The following SEMA3A variants were observed in gnomAD, a reference collection of about 807,000 sequenced individuals.
The protein encoded by SEMA3A is semaphorin 3A, also known as semaphorin-3A.
In SEMA3A, 29 loss-of-function variants were observed where a neutral mutation model predicts 97.9. That is an observed-to-expected ratio of 0.30 (90% confidence interval 0.22 to 0.40). The LOEUF (loss-of-function observed/expected upper bound fraction) is 0.40, where lower values mean the gene tolerates loss of function less well. Among genes scored for constraint, SEMA3A ranks in the 10% least tolerant of loss-of-function variants. The pLI, the probability that SEMA3A is intolerant of heterozygous loss-of-function variation, is 1.00. For synonymous variants in SEMA3A, 321 were observed against 323.7 expected (o/e 0.99, Z 0.09); for missense variants, 763 against 951.3 (o/e 0.80, Z 2.60).
At chr7:84,349,538 C>G (rs1238333822) in intron 2 of SEMA3A, among the ~76,000 whole-genome samples, 1 of 152,052 alleles carries the variant, frequency 6.6e-6, no homozygotes, top group Non-Finnish European at 1.5e-5. Context: ...AGATGGTTTT[C>G]CTGAATAAGT....
At chr7:84,478,609 T>C (rs542783386) in intron 1 of SEMA3A, among the ~76,000 whole-genome samples, 1 of 151,982 alleles carries the variant, frequency 6.6e-6, no homozygotes, top group Non-Finnish European at 1.5e-5. Flanking sequence ...ATAGATTTTA[T>C]AGACTACAAA....
chr7:84,005,718 C>T (rs550186285), intron 10 of SEMA3A, among the ~76,000 whole-genome samples, 160 bp from the exon 11 acceptor site: 3 of 152,150 alleles, frequency 2.0e-5, no homozygotes, highest in African/African-American at 7.2e-5. Flanking sequence ...GAGGCCGATG[C>T]GGGTGGATCA....
chr7:84,053,369 G>C (rs1476104409), intron 5 of SEMA3A, among the ~76,000 whole-genome samples: 5 of 99,906 alleles, frequency 5.0e-5, no homozygotes, highest in African/African-American at 1.5e-4. Flanking sequence ...AGGTCACTCA[G>C]GACTTGCTTT....
intron 1 of SEMA3A, among the ~76,000 whole-genome samples, chr7:84,389,505 T>C (rs1299587285): frequency 1.3e-5 from 2 of 152,050 alleles, no homozygotes; most frequent in Admixed American, 6.6e-5. Flanking sequence ...GGTTTCTGAG[T>C]AGTGTAGTCC....
chr7:84,168,577 C>A (rs1797286843), intron 1 of SEMA3A, among the ~76,000 whole-genome samples: 1 of 151,768 alleles, frequency 6.6e-6, no homozygotes, highest in Non-Finnish European at 1.5e-5. Flanking sequence ...ATATAACTGG[C>A]AGTAGAAATC....
At chr7:84,147,717 G>A (rs1052425748) in intron 1 of SEMA3A, among the ~76,000 whole-genome samples, 4 of 152,194 alleles carry the variant, frequency 2.6e-5, no homozygotes, top group Non-Finnish European at 5.9e-5. Context: ...TTATGAATGT[G>A]CAATAGTGCA....
intron 2 of SEMA3A, among the ~76,000 whole-genome samples, chr7:84,132,189 T>C (rs766234125): frequency 1.3e-4 from 20 of 152,194 alleles, no homozygotes; most frequent in Non-Finnish European, 2.4e-4. Context: ...CTGTTTGTAA[T>C]AGGATGTTTT....
chr7:84,292,788 T>G (rs150094386), intron 3 of SEMA3A, among the ~76,000 whole-genome samples: 37 of 152,208 alleles, frequency 2.4e-4, no homozygotes, highest in Admixed American at 3.3e-4. Context: ...CTATTAGAAA[T>G]TATATTTTAT....
At chr7:84,402,504 C>G (rs1467843704) in intron 1 of SEMA3A, among the ~76,000 whole-genome samples, 1 of 152,042 alleles carries the variant, frequency 6.6e-6, no homozygotes, top group Non-Finnish European at 1.5e-5. Flanking sequence ...GTATGTATCC[C>G]AAAGAAAGGA....
At chr7:84,200,551 A>G (rs557835724) in intron 3 of SEMA3A, among the ~76,000 whole-genome samples, 1 of 152,228 alleles carries the variant, frequency 6.6e-6, no homozygotes, top group Non-Finnish European at 1.5e-5. Context: ...AATGTAGCTA[A>G]AATACGGTTA....
intron 1 of SEMA3A, among the ~76,000 whole-genome samples, chr7:84,181,426 G>A (rs1258339250): frequency 6.6e-6 from 1 of 151,328 alleles, no homozygotes; most frequent in Non-Finnish European, 1.5e-5. Flanking sequence ...TTTTTTAAAA[G>A]ATAAAAGTTA....
chr7:84,485,614 A>G (rs749059646), intron 1 of SEMA3A, among the ~76,000 whole-genome samples: 3 of 152,016 alleles, frequency 2.0e-5, no homozygotes. Flanking sequence ...GGCTCTAGCA[A>G]TCCTCCTATC....
rs35467487 is a variant in SEMA3A at position 84,303,551 on chromosome 7, G to GA, written c.-83+3655dup. Among the ~76,000 whole-genome samples the GA allele has an allele frequency of 7.7e-3, 1,087 of 141,964 alleles. 8 individuals are homozygous for GA. The highest frequency in any genetic ancestry group is 0.023 in the African/African-American group (892 of 38,976). 93.1% of individuals were successfully genotyped at this position (141,964 alleles called of 152,430 possible). Reference sequence around the variant, plus strand: ...TGAACATATTGACTAGTCTTCATTTGAAAAAAAAAAAGGTATTAGTTTGTT... The same window carrying GA: ...TGAACATATTGACTAGTCTTCATTTGAAAAAAAAAAAAGGTATTAGTTTGTT... On this transcript the variant is annotated intron_variant, in intron 3 of 3. Transcript: ENST00000424555.
chr7:84,452,261 A>T (rs28611303), intron 1 of SEMA3A, among the ~76,000 whole-genome samples: 6 of 151,862 alleles, frequency 4.0e-5, no homozygotes, highest in African/African-American at 1.2e-4. Flanking sequence ...TATATTTTTT[A>T]AAAATAGCCA....
intron 12 of SEMA3A, among the ~76,000 whole-genome samples, chr7:83,994,200 T>A (rs1790100931): frequency 9.6e-6 from 1 of 104,010 alleles, no homozygotes; most frequent in Admixed American, 1.1e-4. Flanking sequence ...TATTGGTTAT[T>A]CTAGTTATAC....
intron 12 of SEMA3A, among the ~76,000 whole-genome samples, chr7:83,997,532 T>C (rs1397681641): frequency 6.6e-6 from 1 of 152,142 alleles, no homozygotes; most frequent in Non-Finnish European, 1.5e-5. Flanking sequence ...TGCCCAAATA[T>C]GTTTTGTCTA....
At position 84,100,666 on chromosome 7, in the gene SEMA3A, A is replaced by G. The variant is rs189705279; in HGVS notation, c.453+9804T>C. On this transcript the variant is annotated intron_variant, in intron 4 of 16. Transcript: ENST00000265362. ...GATGATATTTGTGTTCATATTCCTT[A>G]CAATCAATATTAGAAAATTAAGAAA... Among the ~76,000 whole-genome samples the G allele has an allele frequency of 1.4e-4, 21 of 152,254 alleles. No individual in the cohort carries two copies. The East Asian group carries it at 3.5e-3, about 25-fold the overall frequency.
intron 6 of SEMA3A, among the ~76,000 whole-genome samples, chr7:84,039,614 C>A (rs938337939): frequency 6.6e-6 from 1 of 152,018 alleles, no homozygotes; most frequent in African/African-American, 2.4e-5. Flanking sequence ...ACTTGACAGG[C>A]AGCAGAATCT....
intron 3 of SEMA3A, among the ~76,000 whole-genome samples, chr7:84,202,334 T>G (rs1798377247): frequency 6.6e-6 from 1 of 152,196 alleles, no homozygotes; most frequent in Admixed American, 6.5e-5. Flanking sequence ...CCTATACAGT[T>G]AATACATCCA....
Sources: allele counts gnomAD v4.1 joint callset (sites outside exome capture counted in the v4.1 genomes callset), GRCh38; gene constraint gnomAD v4.1.1; transcripts MANE v1.5; gene names NCBI Gene and HGNC (gene_info 2026-07-23, HGNC 2026-07-21).